The following RIMS2 variants were observed in gnomAD, a reference collection of about 807,000 sequenced individuals.
RIMS2 encodes regulating synaptic membrane exocytosis protein 2.
A neutral mutation model predicts 174.4 loss-of-function variants in RIMS2; 59 were observed. The observed-to-expected ratio is 0.34, with a 90% confidence interval of 0.27 to 0.42. The LOEUF (loss-of-function observed/expected upper bound fraction) is 0.42. Ranked by LOEUF, RIMS2 falls within the 10% of genes least tolerant of loss-of-function variation. The probability of loss-of-function intolerance (pLI) is 1.00; values close to 1 mark genes in which losing one functional copy is unlikely to be tolerated. For synonymous variants in RIMS2, 606 were observed against 572.5 expected (o/e 1.06, Z -0.84); for missense variants, 1,620 against 1,666.3 (o/e 0.97, Z 0.48).
At chr8:103,522,887 A>G (rs1832388078) in intron 1 of RIMS2, among the ~76,000 whole-genome samples, 1 of 152,134 alleles carries the variant, frequency 6.6e-6, no homozygotes, top group Non-Finnish European at 1.5e-5. Context: ...ACAGTGCCTG[A>G]CACATAGTAG....
intron 3 of RIMS2, among the ~76,000 whole-genome samples, chr8:103,867,393 A>T (rs2099089036): frequency 6.6e-6 from 1 of 151,802 alleles, no homozygotes; most frequent in Non-Finnish European, 1.5e-5. Flanking sequence ...ATATTTTGAA[A>T]AATCTATTCT....
At chr8:103,565,407 T>C (rs2092228764) in intron 1 of RIMS2, among the ~76,000 whole-genome samples, 1 of 151,954 alleles carries the variant, frequency 6.6e-6, no homozygotes, top group Admixed American at 6.6e-5. Context: ...TGGGATCAGG[T>C]GATCCTTCTA....
intron 19 of RIMS2, among the ~76,000 whole-genome samples, chr8:104,052,972 G>A (rs988183314): frequency 1.8e-4 from 27 of 152,008 alleles, no homozygotes; most frequent in Non-Finnish European, 2.4e-4. Flanking sequence ...AAAAGTACAG[G>A]GCCAAACAGT....
chr8:103,975,578 T>C, intron 16 of RIMS2, 72 bp downstream of exon 18: 1 of 1,054,914 alleles, frequency 9.5e-7, no homozygotes, highest in South Asian at 1.4e-5. Flanking sequence ...ACAAAACTAA[T>C]AGGATATATG....
chr8:103,560,989 G>A (rs980027409), intron 1 of RIMS2, among the ~76,000 whole-genome samples: 2 of 152,132 alleles, frequency 1.3e-5, no homozygotes, highest in Non-Finnish European at 2.9e-5. Context: ...AAATTTGTAA[G>A]CATTTTTTAG....
intron 1 of RIMS2, among the ~76,000 whole-genome samples, chr8:103,545,848 G>C (rs768635011): frequency 1.6e-4 from 25 of 152,196 alleles, no homozygotes; most frequent in Non-Finnish European, 3.4e-4. Flanking sequence ...ATTCATTATC[G>C]CTGGACCTGC....
chr8:103,569,601 AT>A (rs1310809944), intron 1 of RIMS2, among the ~76,000 whole-genome samples: 2 of 151,122 alleles, frequency 1.3e-5, no homozygotes, highest in Non-Finnish European at 3.0e-5. Flanking sequence ...GTACCTCAGT[AT>A]TTTTTTCTTT....
intron 1 of RIMS2, among the ~76,000 whole-genome samples, chr8:103,573,840 C>T (rs1465297538): frequency 6.6e-6 from 1 of 152,100 alleles, no homozygotes; most frequent in Non-Finnish European, 1.5e-5. Context: ...AATTCATGAG[C>T]ATGGAATGTT....
intron 1 of RIMS2, among the ~76,000 whole-genome samples, chr8:103,554,228 G>T (rs1849397739): frequency 6.6e-6 from 1 of 152,100 alleles, no homozygotes; most frequent in African/African-American, 2.4e-5. Flanking sequence ...CATAGCAAAA[G>T]AAACTGTCAA....
chr8:104,188,118 T>G (rs965480790), intron 19 of RIMS2, among the ~76,000 whole-genome samples: 11 of 151,676 alleles, frequency 7.3e-5, no homozygotes, highest in African/African-American at 2.7e-4. Flanking sequence ...AGGACAATAC[T>G]TAAATGATTG....
At chr8:103,624,031 G>A (rs977406439) in intron 1 of RIMS2, among the ~76,000 whole-genome samples, 1 of 152,036 alleles carries the variant, frequency 6.6e-6, no homozygotes, top group Non-Finnish European at 1.5e-5. Context: ...CACTTCTAAG[G>A]ACCTCTCTAG....
At chr8:103,626,711 C>G (rs1442008407) in intron 1 of RIMS2, among the ~76,000 whole-genome samples, 1 of 151,778 alleles carries the variant, frequency 6.6e-6, no homozygotes, top group East Asian at 1.9e-4. Context: ...AGAAAGAGTA[C>G]AAAGAGAGAA....
chr8:103,634,383 T>G (rs2096021999), intron 1 of RIMS2, among the ~76,000 whole-genome samples: 1 of 152,210 alleles, frequency 6.6e-6, no homozygotes, highest in Non-Finnish European at 1.5e-5. Context: ...GACCTGACAG[T>G]GTGTTTGGTG....
chr8:104,223,843 C>T lies in RIMS2; in HGVS notation c.3335-21073C>T, dbSNP rs184467965. The T allele has an allele frequency of 7.7e-4, 1,159 of 1,508,914 alleles. 2 individuals carry two copies. The highest frequency in any genetic ancestry group is 7.9e-4 in the Non-Finnish European group (873 of 1,109,066). 93.5% of individuals were successfully genotyped at this position (1,508,914 alleles called of 1,614,324 possible). Reference sequence around the variant, plus strand: ...TGGTGTCTCTATCTGTTTAGAAAGTCGGTGGCTGGAGGGTTGGCCGGGGCA... The same window carrying T: ...TGGTGTCTCTATCTGTTTAGAAAGTTGGTGGCTGGAGGGTTGGCCGGGGCA... On this transcript the variant is annotated intron_variant, in intron 19 of 23. Coordinates refer to ENST00000504942, the Ensembl canonical transcript of RIMS2.
At chr8:103,984,534 T>C (rs188605727) in intron 16 of RIMS2, among the ~76,000 whole-genome samples, 1 of 152,290 alleles carries the variant, frequency 6.6e-6, no homozygotes, top group Admixed American at 6.5e-5. Flanking sequence ...AAATGGCTTA[T>C]ATCCTAAAAC....
At position 103,697,173 on chromosome 8, in the gene RIMS2, T is replaced by TG; in HGVS notation, c.265dup (p.Ala89GlyfsTer14). On this transcript the variant is annotated frameshift_variant, in exon 2 of 24. Transcript: ENST00000504942. LOFTEE classifies it high-confidence loss of function. ...AGCAACAGCAAGAACAGAAGGGTGA[T>TG]GCGCCAACCTGTGGTATCTGCCACA... 1.2e-6 allele frequency: 2 copies of TG among 1,613,704 alleles called. No individual in the cohort carries two copies. The highest frequency in any genetic ancestry group is 1.7e-6 in the Non-Finnish European group (2 of 1,179,644).
intron 19 of RIMS2, among the ~76,000 whole-genome samples, chr8:104,141,613 C>T (rs2098575013): frequency 6.6e-6 from 1 of 152,182 alleles, no homozygotes; most frequent in Non-Finnish European, 1.5e-5. Context: ...ACGAGTAAGT[C>T]GTGCAGGCCA....
At chr8:103,581,561 G>A (rs1009731939) in intron 1 of RIMS2, among the ~76,000 whole-genome samples, 3 of 152,156 alleles carry the variant, frequency 2.0e-5, no homozygotes, top group African/African-American at 4.8e-5. Flanking sequence ...TTAAGATGCG[G>A]AACAAGACAA....
intron 19 of RIMS2, among the ~76,000 whole-genome samples, chr8:104,025,604 T>C (rs978883423): frequency 6.6e-6 from 1 of 152,174 alleles, no homozygotes; most frequent in African/African-American, 2.4e-5. Flanking sequence ...AGTAATGTCT[T>C]GCTATAATTT....
Sources: allele counts gnomAD v4.1 joint callset (sites outside exome capture counted in the v4.1 genomes callset), GRCh38; gene constraint gnomAD v4.1.1; transcripts MANE v1.5; gene names NCBI Gene and HGNC (gene_info 2026-07-23, HGNC 2026-07-21).